PCDHGA1: variants seen among roughly 807,000 people sequenced by gnomAD.
The protein encoded by PCDHGA1 is protocadherin gamma subfamily A, 1, also known as protocadherin gamma-A1.
PCDHGA1 carries 32 observed loss-of-function variants against 58.0 expected under a neutral mutation model. That is an observed-to-expected ratio of 0.55 (90% CI 0.42 to 0.74). PCDHGA1 has a LOEUF of 0.74. Among genes scored for constraint, PCDHGA1 ranks in the 30% least tolerant of loss-of-function variants. The pLI is 0.00. For synonymous variants in PCDHGA1, 498 were observed against 501.1 expected (o/e 0.99, Z 0.08); for missense variants, 1,205 against 1,182.3 (o/e 1.02, Z -0.28).
At chr5:141,436,425 G>A (rs2097823674) in intron 1 of PCDHGA1, among the ~76,000 whole-genome samples, 2 of 152,268 alleles carry the variant, frequency 1.3e-5, no homozygotes, top group Non-Finnish European at 2.9e-5. Context: ...AACAAATAAT[G>A]TACTCTGGGG....
intron 1 of PCDHGA1, chr5:141,415,868 G>A: frequency 9.2e-7 from 1 of 1,090,360 alleles, no homozygotes; most frequent in Non-Finnish European, 1.2e-6. Flanking sequence ...TTATAGTGTT[G>A]TTGAGTACAA....
intron 1 of PCDHGA1, chr5:141,399,077 G>A (rs1589355843): frequency 6.2e-7 from 1 of 1,613,830 alleles, no homozygotes; most frequent in Non-Finnish European, 8.5e-7. Context: ...GTTGTAGAAG[G>A]GAGGGATGGT....
chr5:141,418,928 A>G, intron 1 of PCDHGA1: 1 of 1,613,978 alleles, frequency 6.2e-7, no homozygotes, highest in Non-Finnish European at 8.5e-7. Context: ...TGATCAGATT[A>G]TGGAGGATTC....
At chr5:141,449,266 G>T (rs1398403120) in intron 1 of PCDHGA1, among the ~76,000 whole-genome samples, 1 of 152,042 alleles carries the variant, frequency 6.6e-6, no homozygotes, top group Non-Finnish European at 1.5e-5. Context: ...ACAAAGAACT[G>T]TATCTCCTTC....
At chr5:141,398,573 G>A (rs561224063) in intron 1 of PCDHGA1, 39 of 1,613,870 alleles carry the variant, frequency 2.4e-5, no homozygotes, top group Non-Finnish European at 3.1e-5. Flanking sequence ...GCACAGCCTG[G>A]CACAAGATTT....
At chr5:141,404,354 G>C in intron 1 of PCDHGA1, 1 of 1,613,916 alleles carries the variant, frequency 6.2e-7, no homozygotes. Context: ...CAACGCCAGA[G>C]GTACTTCCAT....
chr5:141,361,268 A>G, intron 1 of PCDHGA1: 5 of 1,613,982 alleles, frequency 3.1e-6, no homozygotes, highest in Non-Finnish European at 4.2e-6. Flanking sequence ...GACTCTGGAG[A>G]AAATGGAGAA....
Position 141,332,867 on chromosome 5 carries a change from C to T in PCDHGA1, c.2183C>T (p.Ser728Leu). The change falls in exon 1 of 4, where the codon TCG becomes TTG. Residue 728 changes from serine (S) to leucine (L), a missense_variant. Ser to Leu is a moderately radical substitution (Grantham distance 145). Transcript: ENST00000517417. This position sits in a 1 kb window ranked among gnomAD's most constrained non-coding sequence, Gnocchi z 4.6. ...CACAAGTCACGTCTGCTACAGGCTT[C>T]GGGAGGCGGCTTAGCGAGCATGCCC... is the stretch of plus-strand genomic sequence containing the variant. ...RWHKSRLLQA[S>L]GGGLASMPGS... 1.9e-6 allele frequency: 3 copies of T among 1,614,210 alleles called. No individual in the cohort carries two copies. The highest frequency in any genetic ancestry group is 1.7e-6 in the Non-Finnish European group (2 of 1,180,036).
chr5:141,415,494 C>T lies in PCDHGA1; in HGVS notation c.2422-79313C>T, dbSNP rs377609539. 2.5e-6 allele frequency: 4 copies of T among 1,614,110 alleles called. No homozygotes were observed. The African/African-American group carries it at 4.0e-5, about 16-fold the overall frequency. ...CGGACTCGCGAAAGAGTCACCTGAT[C>T]TTCCCCCAGCCCAATTATGCGGACA... On this transcript the variant is annotated intron_variant, in intron 1 of 3. Transcript: ENST00000517417.
At chr5:141,503,479 G>A (rs1203644194) in intron 2 of PCDHGA1, among the ~76,000 whole-genome samples, 5 of 151,616 alleles carry the variant, frequency 3.3e-5, no homozygotes, top group African/African-American at 9.7e-5. Context: ...TGCACTTGTC[G>A]TCCCAGCTGC....
In PCDHGA1 at chr5:141,511,502, A is replaced by G. The variant is rs953158220; in HGVS notation, c.*329A>G. ...CTGAACTCCTCCATCTTCCAAATCAATCAGGCCCATCCATCCCATGCCTCC... is the reference window on the plus strand; with the variant it reads ...CTGAACTCCTCCATCTTCCAAATCAGTCAGGCCCATCCATCCCATGCCTCC... On this transcript the variant is annotated 3_prime_UTR_variant, in exon 4 of 4. Transcript: ENST00000517417. The G allele has an allele frequency of 1.3e-5, 5 of 395,150 alleles. No homozygotes were observed. Among genetic ancestry groups the G allele is most frequent in the African/African-American group, 1.0e-4 (5 of 48,770 alleles). The allele number at this position is 395,150 out of a possible 1,614,324, so 24.5% of individuals were successfully genotyped here.
chr5:141,410,598 C>T, intron 1 of PCDHGA1: 2 of 1,608,528 alleles, frequency 1.2e-6, no homozygotes, highest in Non-Finnish European at 1.7e-6. Context: ...GATTTGACTT[C>T]ACATCCTGAG....
In PCDHGA1 at chr5:141,431,932, C is replaced by A; in HGVS notation, c.2422-62875C>A. 1 of 1,614,172 alleles carries A rather than the reference C, an allele frequency of 6.2e-7. No homozygotes were observed. Among genetic ancestry groups the A allele is most frequent in the Non-Finnish European group, 8.5e-7 (1 of 1,180,002 alleles). The stretch of plus-strand genomic sequence containing the variant: ...TCTGTTTCATCCAAGGAAATCTGCC[C>A]TTTAAATTAGAAAAATCTTACGGAA... On this transcript the variant is annotated intron_variant, in intron 1 of 3. Transcript: ENST00000517417. The surrounding 1 kb of genome is among the most constrained non-coding windows in gnomAD (Gnocchi z 4.8).
At chr5:141,360,076 T>C (rs890042967) in intron 1 of PCDHGA1, 1 of 1,480,118 alleles carries the variant, frequency 6.8e-7, no homozygotes, top group Non-Finnish European at 9.0e-7. Context: ...TTAGCCCGGA[T>C]TCTGCCATCC....
At chr5:141,410,776 A>G (rs2095422946) in intron 1 of PCDHGA1, 7 of 919,622 alleles carry the variant, frequency 7.6e-6, no homozygotes, top group South Asian at 4.0e-5. Context: ...AGTTTTCACT[A>G]TGTATTTGGT....
Position 141,477,833 on chromosome 5 carries a change from G to C in PCDHGA1, c.2422-16974G>C. Reference sequence around the variant, plus strand: ...CCCCCAGGTCCTATATCCTCGGCCAGGTGGGAGCTCGGTGGAGATGCTGCC... The same window carrying C: ...CCCCCAGGTCCTATATCCTCGGCCACGTGGGAGCTCGGTGGAGATGCTGCC... On this transcript the variant is annotated intron_variant, in intron 1 of 3. Transcript: ENST00000517417. This position sits in a 1 kb window ranked among gnomAD's most constrained non-coding sequence, Gnocchi z 4.9. The C allele has an allele frequency of 6.2e-7, 1 of 1,614,174 alleles. No individual in the cohort carries two copies.
chr5:141,382,186 T>G (rs896758285), intron 1 of PCDHGA1, among the ~76,000 whole-genome samples: 14 of 152,310 alleles, frequency 9.2e-5, no homozygotes, highest in Admixed American at 5.9e-4. Context: ...TAAGGTTCTA[T>G]ACAATCAAAA....
At chr5:141,346,627 G>A in intron 1 of PCDHGA1, 3 of 1,008,322 alleles carry the variant, frequency 3.0e-6, no homozygotes, top group Non-Finnish European at 4.3e-6. Context: ...GCACTCCCCG[G>A]TCTGGTTATG....
intron 1 of PCDHGA1, among the ~76,000 whole-genome samples, chr5:141,337,631 G>C (rs1292928134): frequency 1.3e-5 from 2 of 152,202 alleles, no homozygotes; most frequent in Non-Finnish European, 2.9e-5. Context: ...AAAGGCAATG[G>C]GGAGTTGCTA....
Sources: gnomAD v4.1 joint callset for allele counts (sites outside exome capture counted in the v4.1 genomes callset) on GRCh38, gnomAD v4.1.1 for gene constraint, Gnocchi (gnomAD v3.1) non-coding constraint, MANE v1.5 for transcripts, NCBI Gene and HGNC (gene_info 2026-07-23, HGNC 2026-07-21) for gene names.